MTMR10: variants seen among roughly 807,000 people sequenced by gnomAD.
The protein encoded by MTMR10 is myotubularin related protein 10, also known as myotubularin-related protein 10.
In MTMR10, 56 loss-of-function variants were observed where a neutral mutation model predicts 88.1. The observed-to-expected ratio is 0.64, with a 90% CI of 0.51 to 0.79. The LOEUF (loss-of-function observed/expected upper bound fraction) is 0.79. MTMR10 is among the 30% of genes least tolerant of loss of function. The pLI is 0.00. For synonymous variants in MTMR10, 380 were observed against 340.9 expected (o/e 1.11, Z -1.26); for missense variants, 883 against 924.7 (o/e 0.95, Z 0.58).
intron 10 of MTMR10, 55 bp from the exon 11 acceptor site, chr15:30,953,686 T>C: frequency 1.7e-6 from 2 of 1,170,336 alleles, no homozygotes; most frequent in South Asian, 2.8e-5. Context: ...ACGATCCCTA[T>C]CAGAGTAAAG....
chr15:30,927,869 T>C, the MTMR10 span: 3 of 985,594 alleles, frequency 3.0e-6, no homozygotes, highest in African/African-American at 5.2e-5. Context: ...ACCCTGCCTC[T>C]GACTCTGTGA....
At chr15:30,981,800 A>G (rs924391658) in intron 2 of MTMR10, among the ~76,000 whole-genome samples, 30 of 152,120 alleles carry the variant, frequency 2.0e-4, no homozygotes, top group African/African-American at 7.0e-4. Context: ...TAAAAATCTC[A>G]TTCTCATGCC....
the MTMR10 span, among the ~76,000 whole-genome samples, chr15:30,929,879 T>A: frequency 2.2e-5 from 2 of 92,602 alleles, no homozygotes; most frequent in African/African-American, 4.7e-5. Flanking sequence ...ATAAAATATA[T>A]AATATATATC....
intron 3 of MTMR10, 27 bp from the exon 4 acceptor site, chr15:30,975,030 A>C: frequency 2.7e-6 from 4 of 1,457,422 alleles, no homozygotes; most frequent in Non-Finnish European, 3.8e-6. Flanking sequence ...TGTTCATATT[A>C]ATTCTTTTCC....
At chr15:30,952,821 G>A (rs2063268847) in intron 11 of MTMR10, among the ~76,000 whole-genome samples, 3 of 151,682 alleles carry the variant, frequency 2.0e-5, no homozygotes, top group African/African-American at 7.3e-5. Flanking sequence ...ATGGAGACTT[G>A]CTCTATCACC....
the MTMR10 span, chr15:30,926,687 T>C: frequency 2.0e-6 from 2 of 985,072 alleles, no homozygotes; most frequent in South Asian, 4.7e-5. Flanking sequence ...TGGTTAGAAA[T>C]AGAAGAATAG....
chr15:30,952,462 T>C (rs139578627), intron 11 of MTMR10, among the ~76,000 whole-genome samples: 1 of 152,218 alleles, frequency 6.6e-6, no homozygotes, highest in Non-Finnish European at 1.5e-5. Context: ...ACTCCTGGCC[T>C]CAAGTGATCC....
downstream of MTMR10, among the ~76,000 whole-genome samples, chr15:30,935,837 C>T (rs2140968414): frequency 6.6e-6 from 1 of 151,668 alleles, no homozygotes; most frequent in East Asian, 1.9e-4. Flanking sequence ...ATCAGAGAAT[C>T]TTTTTTTTTC....
intron 14 of MTMR10, among the ~76,000 whole-genome samples, chr15:30,945,893 A>G (rs763741766): frequency 3.3e-5 from 5 of 152,162 alleles, no homozygotes; most frequent in Non-Finnish European, 7.4e-5. Context: ...GGCTTAAGCC[A>G]TCCTCCCACC....
chr15:30,986,647 A>G (rs1019188073), intron 2 of MTMR10, among the ~76,000 whole-genome samples: 17 of 152,342 alleles, frequency 1.1e-4, no homozygotes, highest in East Asian at 9.6e-4. Flanking sequence ...TATCTTTATT[A>G]AAGAAAACTG....
chr15:30,959,117 G>A lies in MTMR10; in HGVS notation c.763C>T (p.Pro255Ser). 6.4e-7 allele frequency: 1 copy of A among 1,574,072 alleles called. No individual in the cohort carries two copies. The highest frequency in any genetic ancestry group is 1.9e-5 in the Admixed American group (1 of 53,126). ...GAACTTGGCACTACAATGTATTCTG[G>A]AAGGCTGGAGGGGAAAAAAAAAATT... ...NEGYMISTCL[P>S]EYIVVPSSLA... The change falls in exon 8 of 16, where the codon CCA (proline) becomes TCA (serine). Residue 255 changes from proline (P) to serine (S), a missense_variant. Transcript: ENST00000435680.
At chr15:30,943,779 G>A (rs985059374) in intron 14 of MTMR10, 115 of 985,314 alleles carry the variant, frequency 1.2e-4, no homozygotes, top group Non-Finnish European at 1.3e-4. Context: ...GCCAACCACC[G>A]CATTGTGAGG....
chr15:30,959,406 C>T (rs1339513884), intron 7 of MTMR10, among the ~76,000 whole-genome samples: 2 of 152,316 alleles, frequency 1.3e-5, no homozygotes, highest in South Asian at 2.1e-4. Context: ...TATGTGTTCA[C>T]TGAAAAATAT....
chr15:30,973,674 C>CGG (rs1566963308), intron 5 of MTMR10, among the ~76,000 whole-genome samples: 14 of 152,062 alleles, frequency 9.2e-5, no homozygotes. Context: ...CAGACTGGAA[C>CGG]GGGGGCCATA....
chr15:30,960,555 G>C (rs1404468), intron 7 of MTMR10, among the ~76,000 whole-genome samples: 62,753 of 151,894 alleles, frequency 0.41, 14,377 homozygotes, highest in East Asian at 0.85. Flanking sequence ...AGATTAAAAG[G>C]CCTAAGAGAC....
intron 13 of MTMR10, among the ~76,000 whole-genome samples, chr15:30,947,718 C>T (rs149833979): frequency 2.1e-3 from 321 of 152,310 alleles, no homozygotes; most frequent in African/African-American, 7.4e-3. Context: ...TCAGAAAACA[C>T]TTTGGGATGA....
Position 30,940,874 on chromosome 15 carries a change from T to C in MTMR10, c.*596A>G, listed in dbSNP as rs2063022902. ...AATGCTTTAAAATTAACAGTGCATA[T>C]CATTTTAAAGTTGACCCTATGAAGT... On this transcript the variant is annotated 3_prime_UTR_variant, in exon 16 of 16. Coordinates refer to ENST00000435680, the MANE Select transcript of MTMR10 (RefSeq NM_017762.3). The C allele has an allele frequency of 9.9e-7, 1 of 1,010,136 alleles. No homozygotes were observed. Among genetic ancestry groups the C allele is most frequent in the Non-Finnish European group, 1.2e-6 (1 of 844,950 alleles). The allele number at this position is 1,010,136 out of a possible 1,614,324, so 62.6% of individuals were successfully genotyped here. A position where few individuals can be genotyped will look rare whatever the true frequency, so the allele number is the denominator to read the frequency against.
At chr15:30,966,862 T>TC (rs2063478811) in intron 6 of MTMR10, among the ~76,000 whole-genome samples, 1 of 148,896 alleles carries the variant, frequency 6.7e-6, no homozygotes, top group Admixed American at 6.7e-5. Context: ...TATTTTCTTT[T>TC]TTTTTTTTTT....
chr15:30,931,271 G>T, the MTMR10 span, among the ~76,000 whole-genome samples: 1 of 152,126 alleles, frequency 6.6e-6, no homozygotes, highest in Non-Finnish European at 1.5e-5. Flanking sequence ...CAGCCCTGCT[G>T]CCCATCACTG....
Sources: allele counts gnomAD v4.1 joint callset (sites outside exome capture counted in the v4.1 genomes callset), GRCh38; gene constraint gnomAD v4.1.1; transcripts MANE v1.5; gene names NCBI Gene and HGNC (gene_info 2026-07-23, HGNC 2026-07-21).